The following ADGRL3 variants were observed in gnomAD, a reference collection of about 807,000 sequenced individuals.
ADGRL3 encodes calcium-independent alpha-latrotoxin receptor 3.
A neutral mutation model predicts 153.5 loss-of-function variants in ADGRL3; 62 were observed. That is an observed-to-expected ratio of 0.40 (90% CI 0.33 to 0.50). The LOEUF (loss-of-function observed/expected upper bound fraction) is 0.50, where lower values mean the gene tolerates loss of function less well. Ranked by LOEUF, ADGRL3 falls within the 20% of genes least tolerant of loss-of-function variation. ADGRL3 has a pLI of 0.47. For synonymous variants in ADGRL3, 710 were observed against 672.5 expected (o/e 1.06, Z -0.86); for missense variants, 1,641 against 1,859.4 (o/e 0.88, Z 2.16).
intron 21 of ADGRL3, among the ~76,000 whole-genome samples, chr4:62,006,003 CATATATATAT>C (rs1217370949): frequency 1.4e-3 from 68 of 48,988 alleles, no homozygotes; most frequent in African/African-American, 4.7e-3. Context: ...CACACACACA[CATATATATAT>C]ATATATATAT....
intron 1 of ADGRL3, among the ~76,000 whole-genome samples, chr4:61,291,429 G>C: frequency 6.6e-6 from 1 of 151,626 alleles, no homozygotes. Context: ...GTGTATGGGA[G>C]GATGTACATG....
intron 2 of ADGRL3, among the ~76,000 whole-genome samples, chr4:61,480,479 T>A: frequency 6.6e-6 from 1 of 151,962 alleles, no homozygotes; most frequent in Non-Finnish European, 1.5e-5. Flanking sequence ...CAAAAAAAAA[T>A]TAAATAACAG....
chr4:61,514,550 T>C (rs2098481409), intron 3 of ADGRL3, among the ~76,000 whole-genome samples: 3 of 152,212 alleles, frequency 2.0e-5, no homozygotes, highest in Non-Finnish European at 4.4e-5. Flanking sequence ...GGCTCTGTTC[T>C]AATAATCCTT....
chr4:62,074,280 G>A lies in ADGRL3; in HGVS notation c.*3372G>A, dbSNP rs1257650929. ...AGCTAGAAGTAAAACTTATGCCACC[G>A]AAACAAACAAATGATTACTTTCTTG... On this transcript the variant is annotated 3_prime_UTR_variant, in exon 27 of 27. Coordinates refer to ENST00000683033, the MANE Select transcript of ADGRL3 (RefSeq NM_001387552.1). The A allele has an allele frequency of 2.6e-5, 4 of 151,946 alleles. No homozygotes were observed. Among genetic ancestry groups the A allele is most frequent in the Non-Finnish European group, 4.4e-5 (3 of 67,954 alleles). The allele number at this position is 151,946 out of a possible 1,614,324, so 9.4% of individuals were successfully genotyped here. A position where few individuals can be genotyped will look rare whatever the true frequency, so the allele number is the denominator to read the frequency against.
At chr4:61,572,637 CCT>C (rs1408139359) in intron 4 of ADGRL3, among the ~76,000 whole-genome samples, 1 of 151,812 alleles carries the variant, frequency 6.6e-6, no homozygotes, top group Non-Finnish European at 1.5e-5. Context: ...TAACCCATGG[CCT>C]CTGTGACTGG....
chr4:61,299,309 G>T (rs147510748), intron 1 of ADGRL3, among the ~76,000 whole-genome samples: 3 of 152,220 alleles, frequency 2.0e-5, no homozygotes, highest in East Asian at 3.9e-4. Context: ...TGCATTCATA[G>T]AATTCCTTTA....
chr4:61,655,063 C>G (rs1210360774), intron 5 of ADGRL3, among the ~76,000 whole-genome samples: 8 of 151,994 alleles, frequency 5.3e-5, no homozygotes, highest in Non-Finnish European at 4.4e-5. Flanking sequence ...ATGTGTGACT[C>G]TTACTATCAG....
chr4:61,370,801 C>T (rs1473546351), intron 1 of ADGRL3, among the ~76,000 whole-genome samples: 2 of 152,042 alleles, frequency 1.3e-5, no homozygotes, highest in African/African-American at 2.4e-5. Flanking sequence ...CTTTCTGTCT[C>T]GTTGATCTGT....
chr4:61,377,174 A>C (rs997251731), intron 1 of ADGRL3, among the ~76,000 whole-genome samples: 1 of 151,976 alleles, frequency 6.6e-6, no homozygotes, highest in Non-Finnish European at 1.5e-5. Context: ...AATGGTACGG[A>C]ATGGTATAGT....
chr4:61,215,647 G>T (rs757401769), intron 1 of ADGRL3, among the ~76,000 whole-genome samples: 67 of 146,228 alleles, frequency 4.6e-4, no homozygotes, highest in Non-Finnish European at 8.9e-4. Flanking sequence ...CGCCTCCCGG[G>T]TTCACGCCAT....
intron 4 of ADGRL3, among the ~76,000 whole-genome samples, chr4:61,569,748 T>A (rs1322910303): frequency 6.6e-6 from 1 of 152,190 alleles, no homozygotes; most frequent in Non-Finnish European, 1.5e-5. Context: ...ATAACATATA[T>A]CTGTACTTCA....
Position 61,909,599 on chromosome 4 carries a change from C to A in ADGRL3, c.1927C>A (p.Leu643Met). Residue 643 changes from leucine to methionine, a missense_variant, in exon 12 of 27, where the codon CTG becomes ATG. By Grantham distance (15) the Leu-to-Met change is conservative. Around this residue, in one of 5 missense-constraint regions of ADGRL3, gnomAD observed 734 missense variants for 797.0 expected, o/e 0.92. Coordinates refer to ENST00000683033, the MANE Select transcript of ADGRL3 (RefSeq NM_001387552.1). ...AACAGCTGCCAACATTGCTAGAGAG[C>A]TGGCTGAACAGACAAGAAATCACTT... is the stretch of plus-strand genomic sequence containing the variant. ...GETAANIARELAEQTRNHLNA... is the reference protein window; with the variant it reads ...GETAANIAREMAEQTRNHLNA... The A allele has an allele frequency of 1.2e-6, 2 of 1,613,248 alleles. No homozygotes were observed. The highest frequency in any genetic ancestry group is 1.1e-5 in the South Asian group (1 of 90,964).
At chr4:61,762,969 C>A (rs2096930567) in intron 8 of ADGRL3, among the ~76,000 whole-genome samples, 1 of 152,104 alleles carries the variant, frequency 6.6e-6, no homozygotes, top group Non-Finnish European at 1.5e-5. Flanking sequence ...TTTGGTGCTA[C>A]TCTTTTCCTT....
intron 21 of ADGRL3, among the ~76,000 whole-genome samples, chr4:62,020,658 A>G (rs773796072): frequency 1.3e-5 from 2 of 152,114 alleles, no homozygotes; most frequent in Non-Finnish European, 2.9e-5. Context: ...GAAAAGTCAT[A>G]AGAAAAAAAC....
At chr4:61,721,521 T>G (rs1444450509) in intron 6 of ADGRL3, among the ~76,000 whole-genome samples, 2 of 152,218 alleles carry the variant, frequency 1.3e-5, no homozygotes, top group East Asian at 1.9e-4. Context: ...GCTGATTAGA[T>G]TGTGCCCACT....
At chr4:61,983,304 T>C in intron 18 of ADGRL3, 79 bp from the exon 19 acceptor site, 1 of 1,065,596 alleles carries the variant, frequency 9.4e-7, no homozygotes, top group South Asian at 1.5e-5. Flanking sequence ...TTTTGGTAAA[T>C]ATTTAATTTG....
intron 24 of ADGRL3, among the ~76,000 whole-genome samples, chr4:62,041,580 A>G (rs1253880583): frequency 6.6e-6 from 1 of 152,034 alleles, no homozygotes; most frequent in African/African-American, 2.4e-5. Context: ...TCCGTAACCA[A>G]TCCCTATGCC....
At chr4:62,028,010 C>T (rs1293627537) in intron 21 of ADGRL3, among the ~76,000 whole-genome samples, 1 of 151,720 alleles carries the variant, frequency 6.6e-6, no homozygotes, top group Non-Finnish European at 1.5e-5. Flanking sequence ...CAAAATACAT[C>T]ACAGTTGCAG....
chr4:61,568,640 A>G (rs566748730), intron 4 of ADGRL3, among the ~76,000 whole-genome samples: 6 of 152,272 alleles, frequency 3.9e-5, no homozygotes, highest in African/African-American at 1.2e-4. Context: ...TAGTCCTGCT[A>G]TAATAGGACT....
Sources: gnomAD v4.1 joint callset for allele counts (sites outside exome capture counted in the v4.1 genomes callset) on GRCh38, gnomAD v4.1.1 for gene constraint, gnomAD v4.1.1 regional missense constraint, MANE v1.5 for transcripts, NCBI Gene and HGNC (gene_info 2026-07-23, HGNC 2026-07-21) for gene names.